The following SVEP1 variants were observed in gnomAD, a reference collection of about 807,000 sequenced individuals.
SVEP1 encodes the protein sushi, von Willebrand factor type A, EGF and pentraxin domain containing 1, also known as sushi, von Willebrand factor type A, EGF and pentraxin domain-containing protein 1.
In SVEP1, 164 loss-of-function variants were observed where a neutral mutation model predicts 367.3. The ratio of observed to expected loss-of-function variants is 0.45; its 90% CI spans 0.39 to 0.51. The LOEUF (loss-of-function observed/expected upper bound fraction) is 0.51, where lower values mean the gene tolerates loss of function less well. Among genes scored for constraint, SVEP1 ranks in the 20% least tolerant of loss-of-function variants. The pLI is 0.00. For synonymous variants in SVEP1, 1,666 were observed against 1,611.6 expected (o/e 1.03, Z -0.81); for missense variants, 4,117 against 4,425.3 (o/e 0.93, Z 1.98).
intron 41 of SVEP1, among the ~76,000 whole-genome samples, chr9:110,387,847 G>A (rs1368080448): frequency 6.6e-6 from 1 of 152,118 alleles, no homozygotes; most frequent in African/African-American, 2.4e-5. Context: ...ATAAAATAGA[G>A]GATGCCCTGT....
intron 18 of SVEP1, among the ~76,000 whole-genome samples, chr9:110,465,608 G>C (rs1463889266): frequency 6.6e-6 from 1 of 152,158 alleles, no homozygotes; most frequent in Non-Finnish European, 1.5e-5. Context: ...GTTTATTACT[G>C]TATGAGGCCT....
At position 110,389,597 on chromosome 9, in the gene SVEP1, A is replaced by C. The variant is rs200639396; in HGVS notation, c.9823-10T>G. ...CACGTTCCCTGTTCCCCTGTGAAACAATGGAGAAAGGTCATCAAGATCATA... is the reference window on the plus strand; with the variant it reads ...CACGTTCCCTGTTCCCCTGTGAAACCATGGAGAAAGGTCATCAAGATCATA... On this transcript the variant is annotated splice_polypyrimidine_tract_variant and intron_variant, in intron 40 of 47. Coordinates refer to ENST00000374469, the MANE Select transcript of SVEP1 (RefSeq NM_153366.4). The C allele has an allele frequency of 3.8e-4, 614 of 1,613,362 alleles. 4 individuals carry two copies. Among genetic ancestry groups the C allele is most frequent in the Non-Finnish European group, 6.0e-5 (71 of 1,179,718 alleles).
At chr9:110,386,144 A>C in intron 42 of SVEP1, 70 bp from the exon 43 acceptor site, 1 of 1,529,790 alleles carries the variant, frequency 6.5e-7, no homozygotes, top group Non-Finnish European at 8.8e-7. Context: ...TTGAAGGTGG[A>C]GTAGTAGTCC....
intron 3 of SVEP1, among the ~76,000 whole-genome samples, chr9:110,541,518 T>G (rs1268601152): frequency 2.0e-5 from 3 of 152,144 alleles, no homozygotes; most frequent in Non-Finnish European, 4.4e-5. Context: ...AACAGTAGAA[T>G]TCATAAGATA....
chr9:110,408,725 T>A lies in SVEP1; in HGVS notation c.6875A>T (p.Glu2292Val), dbSNP rs754580320. The A allele has an allele frequency of 6.2e-7, 1 of 1,613,922 alleles. No homozygotes were observed. Among genetic ancestry groups the A allele is most frequent in the Non-Finnish European group, 8.5e-7 (1 of 1,179,892 alleles). ...ACTGTCACCAACAAGCTCATAACCC[T>A]CATTACAGAAAAACTGAACCTTGGA... Reference protein sequence around the residue: ...VGSKVQFFCNEGYELVGDSSW... With the variant: ...VGSKVQFFCNVGYELVGDSSW... The change falls in exon 38 of 48, where the codon GAG (glutamate) becomes GTG (valine). Residue 2292 changes from glutamate to valine, a missense_variant. Glu to Val is a moderately radical substitution (Grantham distance 121). Transcript: ENST00000374469.
chr9:110,483,709 T>A lies in SVEP1; in HGVS notation c.1931-16A>T. The A allele has an allele frequency of 1.3e-6, 2 of 1,559,556 alleles. No individual in the cohort carries two copies. The highest frequency in any genetic ancestry group is 1.7e-6 in the Non-Finnish European group (2 of 1,152,436). ...GGTTCTGCATCTGAAGAACATGAAATCAGACAAAGAAGTCACAGCTGATAT... is the reference window on the plus strand; with the variant it reads ...GGTTCTGCATCTGAAGAACATGAAAACAGACAAAGAAGTCACAGCTGATAT... On this transcript the variant is annotated splice_polypyrimidine_tract_variant and intron_variant, in intron 9 of 47. Transcript: ENST00000374469.
chr9:110,505,643 T>G (rs905300591), intron 5 of SVEP1, among the ~76,000 whole-genome samples: 3 of 152,154 alleles, frequency 2.0e-5, no homozygotes, highest in African/African-American at 7.2e-5. Context: ...CTTTGAAGTA[T>G]CATATTATAT....
At chr9:110,562,530 G>T (rs1235422850) in intron 1 of SVEP1, among the ~76,000 whole-genome samples, 1 of 152,078 alleles carries the variant, frequency 6.6e-6, no homozygotes, top group African/African-American at 2.4e-5. Flanking sequence ...TATGGTATTT[G>T]GACATCAGTG....
Position 110,379,413 on chromosome 9 carries a change from A to G in SVEP1, c.10342T>C (p.Leu3448=), listed in dbSNP as rs1424333625. The change falls in exon 44 of 48, where the codon TTG becomes CTG. Residue 3448 remains leucine (L), a synonymous_variant. Transcript: ENST00000374469. ...ITYSCYSGYM[L]EGFLRSVCLE... is the part of the protein sequence containing the mutation. ...CAAACACTCCTCAGGAAACCCTCCA[A>G]CATGTATCCACTGTAACATGAGTAG... 2 of 1,613,782 alleles carry G rather than the reference A, an allele frequency of 1.2e-6. No homozygotes were observed. The highest frequency in any genetic ancestry group is 1.1e-5 in the South Asian group (1 of 91,066).
In SVEP1 at chr9:110,430,428, T is replaced by A; in HGVS notation, c.5376A>T (p.Pro1792=). The A allele has an allele frequency of 6.2e-7, 1 of 1,612,074 alleles. No homozygotes were observed. The highest frequency in any genetic ancestry group is 1.1e-5 in the South Asian group (1 of 90,618). Residue 1792 remains proline, a synonymous_variant, in exon 33 of 48, where the codon CCA becomes CCT. Coordinates refer to ENST00000374469, the MANE Select transcript of SVEP1 (RefSeq NM_153366.4). ...NCAEPIKCKA[P]GNPENGHSSG... is the part of the protein sequence containing the mutation. ...AGGAGTGGCCATTTTCCGGATTTCC[T>A]GGAGCCTTACATTTTATAGGTTCTA...
At chr9:110,479,860 T>C (rs1382552824) in intron 12 of SVEP1, 104 bp from the exon 13 acceptor site, 83 of 1,462,862 alleles carry the variant, frequency 5.7e-5, no homozygotes, top group Non-Finnish European at 7.6e-5. Context: ...CTAACATAAT[T>C]TGTGGGATTG....
chr9:110,424,740 T>C (rs544508079), intron 36 of SVEP1, among the ~76,000 whole-genome samples: 11 of 152,312 alleles, frequency 7.2e-5, no homozygotes, highest in African/African-American at 2.6e-4. Context: ...AATGGCGCGA[T>C]CTCAGCTCAC....
At chr9:110,404,289 T>C (rs201134443) in intron 39 of SVEP1, 38 bp downstream of exon 39, 2 of 1,586,134 alleles carry the variant, frequency 1.3e-6, no homozygotes, top group Non-Finnish European at 1.7e-6. Context: ...TATATGTATA[T>C]GTAGGCATTA....
At chr9:110,437,989 T>C (rs1481352628) in intron 27 of SVEP1, among the ~76,000 whole-genome samples, 1 of 152,032 alleles carries the variant, frequency 6.6e-6, no homozygotes, top group Non-Finnish European at 1.5e-5. Flanking sequence ...TACCTAGAAA[T>C]AATTATTTAA....
At chr9:110,550,684 C>G (rs1454154973) in intron 1 of SVEP1, among the ~76,000 whole-genome samples, 2 of 150,388 alleles carry the variant, frequency 1.3e-5, no homozygotes, top group Non-Finnish European at 3.0e-5. Context: ...AGAATTGATT[C>G]AATACTTCAT....
At chr9:110,489,833 T>TAA in intron 8 of SVEP1, 54 bp from the exon 9 acceptor site, 1 of 1,552,408 alleles carries the variant, frequency 6.4e-7, no homozygotes, top group Non-Finnish European at 8.7e-7. Context: ...GCGTTTATTC[T>TAA]TTTCTGATTT....
intron 44 of SVEP1, among the ~76,000 whole-genome samples, chr9:110,378,124 A>C (rs1012110522): frequency 4.6e-5 from 7 of 151,974 alleles, no homozygotes; most frequent in African/African-American, 1.2e-4. Context: ...CTATCTTCTT[A>C]ATCATCATCA....
At chr9:110,567,613 G>A (rs1483603836) in intron 1 of SVEP1, among the ~76,000 whole-genome samples, 2 of 152,330 alleles carry the variant, frequency 1.3e-5, no homozygotes, top group East Asian at 1.9e-4. Flanking sequence ...TTCCAGTACT[G>A]CACCTAGTAA....
intron 36 of SVEP1, among the ~76,000 whole-genome samples, chr9:110,423,098 T>G (rs1335325261): frequency 3.8e-5 from 5 of 131,626 alleles, no homozygotes; most frequent in African/African-American, 1.2e-4. Flanking sequence ...TGTGCACGTG[T>G]ACCCTAAAAC....
Sources: allele counts gnomAD v4.1 joint callset (sites outside exome capture counted in the v4.1 genomes callset), GRCh38; gene constraint gnomAD v4.1.1; transcripts MANE v1.5; gene names NCBI Gene and HGNC (gene_info 2026-07-23, HGNC 2026-07-21).